COL11A1: variants seen among roughly 807,000 people sequenced by gnomAD.
The protein encoded by COL11A1 is collagen alpha-1(XI) chain.
A neutral mutation model predicts 265.2 loss-of-function variants in COL11A1; 74 were observed. The observed-to-expected ratio is 0.28, with a 90% CI of 0.23 to 0.34. The LOEUF is 0.34. COL11A1 is among the 10% of genes least tolerant of loss of function. The pLI, the probability that COL11A1 is intolerant of heterozygous loss-of-function variation, is 1.00. For synonymous variants in COL11A1, 816 were observed against 727.6 expected, an observed-to-expected ratio of 1.12 and a Z score of -1.96; for missense variants, 2,165 against 2,263.6, an observed-to-expected ratio of 0.96 and a Z score of 0.88.
intron 2 of COL11A1, among the ~76,000 whole-genome samples, chr1:103,080,735 C>T (rs1041214141): frequency 1.3e-5 from 2 of 151,738 alleles, no homozygotes; most frequent in African/African-American, 4.8e-5. Flanking sequence ...TAAATTAATA[C>T]AGCCATATAG....
In COL11A1 at chr1:102,940,534, T is replaced by A. The variant is rs1010566794; in HGVS notation, c.3277-100A>T. On this transcript the variant is annotated intron_variant, in intron 42 of 66. Transcript: ENST00000370096. ...TATTTGACAAGGATATTGTTTAATG[T>A]TTTTTAGAAAAACATTTTAAAGAAT... 2.8e-5 allele frequency: 24 copies of A among 870,222 alleles called. No individual in the cohort carries two copies. The African/African-American group carries it at 3.1e-4, about 11-fold the overall frequency. The allele number at this position is 870,222 out of a possible 1,614,324, so 53.9% of individuals were successfully genotyped here.
At chr1:102,936,997 A>C (rs923212420) in intron 44 of COL11A1, among the ~76,000 whole-genome samples, 5 of 152,214 alleles carry the variant, frequency 3.3e-5, no homozygotes, top group Admixed American at 6.5e-5. Context: ...AGATATGAGA[A>C]TATAGCTTCT....
At chr1:103,084,419 C>CA (rs1189605760) in intron 1 of COL11A1, among the ~76,000 whole-genome samples, 1 of 151,982 alleles carries the variant, frequency 6.6e-6, no homozygotes, top group Non-Finnish European at 1.5e-5. Context: ...AATTTGAACA[C>CA]AATGTTCACT....
At chr1:103,037,782 A>G (rs1449770961) in intron 4 of COL11A1, among the ~76,000 whole-genome samples, 2 of 152,178 alleles carry the variant, frequency 1.3e-5, no homozygotes, top group African/African-American at 4.8e-5. Context: ...TAACATTTAA[A>G]GTTTTTTATT....
At chr1:103,037,525 T>C (rs1434429934) in intron 4 of COL11A1, among the ~76,000 whole-genome samples, 1 of 152,156 alleles carries the variant, frequency 6.6e-6, no homozygotes, top group African/African-American at 2.4e-5. Flanking sequence ...ACTGTCTTGT[T>C]CAATTCCATC....
At chr1:103,015,519 C>A in intron 12 of COL11A1, 149 bp downstream of exon 12, 1 of 547,750 alleles carries the variant, frequency 1.8e-6, no homozygotes, top group Non-Finnish European at 3.1e-6. Flanking sequence ...GTAAAATTTC[C>A]CTGAATTTCC....
intron 1 of COL11A1, among the ~76,000 whole-genome samples, chr1:103,089,885 G>T (rs2102361251): frequency 6.6e-6 from 1 of 152,316 alleles, no homozygotes; most frequent in Middle Eastern, 3.4e-3. Flanking sequence ...CAGCACTTTG[G>T]GAGGCCGAGG....
intron 49 of COL11A1, among the ~76,000 whole-genome samples, chr1:102,919,541 TATG>T (rs1484262931): frequency 1.3e-5 from 2 of 152,028 alleles, no homozygotes; most frequent in East Asian, 3.9e-4. Flanking sequence ...CTGCATAATA[TATG>T]ATGTTATAAA....
At chr1:102,942,355 C>T (rs981369588) in intron 42 of COL11A1, among the ~76,000 whole-genome samples, 2 of 152,126 alleles carry the variant, frequency 1.3e-5, no homozygotes, top group Admixed American at 6.6e-5. Flanking sequence ...ACTTGCCATT[C>T]ATTTCTTCTG....
intron 1 of COL11A1, among the ~76,000 whole-genome samples, chr1:103,084,640 T>C (rs74108534): frequency 6.6e-6 from 1 of 152,076 alleles, no homozygotes; most frequent in African/African-American, 2.4e-5. Flanking sequence ...CTTCAAGTTG[T>C]CTGGTCCATA....
At chr1:102,915,120 A>C (rs1036368374) in intron 50 of COL11A1, among the ~76,000 whole-genome samples, 1 of 151,960 alleles carries the variant, frequency 6.6e-6, no homozygotes, top group African/African-American at 2.4e-5. Flanking sequence ...TGGGCCAGAC[A>C]ATTTTTGCTG....
chr1:102,914,682 A>G, intron 51 of COL11A1, 22 bp downstream of exon 51: 1 of 1,571,296 alleles, frequency 6.4e-7, no homozygotes, highest in Non-Finnish European at 8.8e-7. Flanking sequence ...ATGCCACATT[A>G]GAGGGGACCA....
intron 41 of COL11A1, among the ~76,000 whole-genome samples, chr1:102,958,858 T>A (rs1363313658): frequency 2.6e-5 from 4 of 152,218 alleles, no homozygotes; most frequent in Non-Finnish European, 5.9e-5. Flanking sequence ...TTGTTTGTTC[T>A]TGCTCTTGAT....
In COL11A1 at chr1:103,046,308, G is replaced by A. The variant is rs1272008876; in HGVS notation, c.652-15064C>T. Among the ~76,000 whole-genome samples the A allele has an allele frequency of 5.5e-5, 6 of 109,810 alleles. No individual in the cohort carries two copies. The South Asian group carries it at 1.1e-3, about 20-fold the overall frequency. The allele number at this position is 109,810 out of a possible 152,430, so 72.0% of individuals were successfully genotyped here. Reference sequence around the variant, plus strand: ...TAATGATTGCCATTCTAACTGGTGTGAGATGGTATCTCATTGTGGTTTTGA... The same window carrying A: ...TAATGATTGCCATTCTAACTGGTGTAAGATGGTATCTCATTGTGGTTTTGA... On this transcript the variant is annotated intron_variant, in intron 4 of 66. Coordinates refer to ENST00000370096, the MANE Select transcript of COL11A1 (RefSeq NM_001854.4).
chr1:102,970,198 A>G, intron 37 of COL11A1, 21 bp downstream of exon 37: 1 of 1,608,770 alleles, frequency 6.2e-7, no homozygotes, highest in South Asian at 1.1e-5. Context: ...AATTTTTAAT[A>G]AGAGTAACAA....
At chr1:103,062,303 G>A (rs774323209) in intron 4 of COL11A1, among the ~76,000 whole-genome samples, 21 of 151,784 alleles carry the variant, frequency 1.4e-4, no homozygotes, top group Admixed American at 5.2e-4. Flanking sequence ...ATATAGAAGC[G>A]AAAGGAATAT....
chr1:103,090,402 A>G (rs1377019922), intron 1 of COL11A1, among the ~76,000 whole-genome samples: 1 of 152,198 alleles, frequency 6.6e-6, no homozygotes, highest in Non-Finnish European at 1.5e-5. Flanking sequence ...AGAGAAAAGG[A>G]TAGAAAATTG....
chr1:103,063,819 G>T (rs1178903984), intron 4 of COL11A1, among the ~76,000 whole-genome samples: 1 of 152,064 alleles, frequency 6.6e-6, no homozygotes, highest in Admixed American at 6.5e-5. Flanking sequence ...CCTGATAAAG[G>T]ACTGTTATCC....
chr1:102,922,688 C>CAA (rs1656127034), intron 47 of COL11A1, among the ~76,000 whole-genome samples: 1 of 152,128 alleles, frequency 6.6e-6, no homozygotes, highest in Non-Finnish European at 1.5e-5. Flanking sequence ...CGTGAGCCAC[C>CAA]GCTCCCGGCC....
Sources: allele counts gnomAD v4.1 joint callset (sites outside exome capture counted in the v4.1 genomes callset), GRCh38; gene constraint gnomAD v4.1.1; transcripts MANE v1.5; gene names NCBI Gene and HGNC (gene_info 2026-07-23, HGNC 2026-07-21).